The following GRM5 variants were observed in gnomAD, a reference collection of about 807,000 sequenced individuals.
GRM5 encodes metabotropic glutamate receptor 5.
GRM5 carries 19 observed loss-of-function variants against 83.1 expected under a neutral mutation model. The observed-to-expected ratio is 0.23, with a 90% confidence interval of 0.16 to 0.34. The LOEUF (loss-of-function observed/expected upper bound fraction) is 0.34, where lower values mean the gene tolerates loss of function less well. Among genes scored for constraint, GRM5 ranks in the 10% least tolerant of loss-of-function variants. The probability of loss-of-function intolerance (pLI) is 1.00; values close to 1 mark genes in which losing one functional copy is unlikely to be tolerated. For missense variants in GRM5, 1,160 were observed against 1,588.3 expected (o/e 0.73, Z 4.58); for synonymous variants, 675 against 633.6 (o/e 1.07, Z -0.98).
chr11:88,802,938 G>T (rs1024621708), intron 3 of GRM5, among the ~76,000 whole-genome samples: 9 of 150,584 alleles, frequency 6.0e-5, no homozygotes, highest in African/African-American at 2.2e-4. Flanking sequence ...ATTCACAATT[G>T]CTTCAAAGAG....
intron 7 of GRM5, among the ~76,000 whole-genome samples, chr11:88,570,268 A>G (rs1437337213): frequency 6.6e-6 from 1 of 152,108 alleles, no homozygotes; most frequent in Non-Finnish European, 1.5e-5. Flanking sequence ...TTGTGCATTT[A>G]ATATTGAAAC....
At chr11:88,893,501 G>A (rs1204473355) in intron 2 of GRM5, among the ~76,000 whole-genome samples, 1 of 152,036 alleles carries the variant, frequency 6.6e-6, no homozygotes, top group Non-Finnish European at 1.5e-5. Context: ...GTCTGTTGAA[G>A]TAATGAGGGA....
intron 4 of GRM5, among the ~76,000 whole-genome samples, chr11:88,624,441 G>A (rs1321527823): frequency 1.3e-5 from 2 of 152,188 alleles, no homozygotes; most frequent in African/African-American, 4.8e-5. Flanking sequence ...ATGCCTTATG[G>A]ACGTACTCAT....
intron 2 of GRM5, among the ~76,000 whole-genome samples, chr11:88,961,037 C>T (rs1938767428): frequency 6.6e-6 from 1 of 152,140 alleles, no homozygotes; most frequent in South Asian, 2.1e-4. Flanking sequence ...CAATGGTGTT[C>T]AACTTTGGGG....
chr11:88,646,722 T>C (rs1006198257), intron 4 of GRM5, among the ~76,000 whole-genome samples: 14 of 151,968 alleles, frequency 9.2e-5, no homozygotes, highest in African/African-American at 3.4e-4. Context: ...AGTGAAGATA[T>C]ATAGAAGCAA....
At chr11:88,751,671 T>C (rs1252969161) in intron 3 of GRM5, among the ~76,000 whole-genome samples, 1 of 152,108 alleles carries the variant, frequency 6.6e-6, no homozygotes, top group East Asian at 1.9e-4. Flanking sequence ...CAGGCCAATA[T>C]CCTTGTTGAA....
In GRM5 at chr11:89,037,474, G is replaced by C. The variant is rs76759797; in HGVS notation, c.661+9738C>G. ...TACAGTGCAATAACTTAAATTCACAGTTTGTTGCAAATATATCCTTGGAAT... is the reference window on the plus strand; with the variant it reads ...TACAGTGCAATAACTTAAATTCACACTTTGTTGCAAATATATCCTTGGAAT... On this transcript the variant is annotated intron_variant, in intron 2 of 9. Transcript: ENST00000305447. 5.4e-3 allele frequency among the ~76,000 whole-genome samples: 825 copies of C among 152,174 alleles called. 13 individuals are homozygous for C. The highest frequency in any genetic ancestry group is 0.019 in the African/African-American group (787 of 41,528).
intron 2 of GRM5, among the ~76,000 whole-genome samples, chr11:88,979,359 C>T (rs1334483351): frequency 6.6e-6 from 1 of 152,070 alleles, no homozygotes; most frequent in Non-Finnish European, 1.5e-5. Flanking sequence ...AACACTGGAA[C>T]CAAATATTTC....
chr11:88,904,099 G>C (rs962714095), intron 2 of GRM5, among the ~76,000 whole-genome samples: 6 of 152,220 alleles, frequency 3.9e-5, no homozygotes, highest in Admixed American at 1.3e-4. Context: ...CTGATGAAGA[G>C]GATGCATTAA....
chr11:88,974,979 G>A (rs1939287732), intron 2 of GRM5, among the ~76,000 whole-genome samples: 2 of 152,182 alleles, frequency 1.3e-5, no homozygotes, highest in Non-Finnish European at 2.9e-5. Context: ...AGATAATTGA[G>A]AAGACTTATC....
chr11:88,535,262 A>G (rs1419817172), intron 8 of GRM5, among the ~76,000 whole-genome samples: 2 of 152,220 alleles, frequency 1.3e-5, no homozygotes, highest in Non-Finnish European at 2.9e-5. Context: ...TATCAGATTC[A>G]CTTGCCACTT....
chr11:88,876,873 C>A (rs1021015706), intron 2 of GRM5, among the ~76,000 whole-genome samples: 1 of 151,998 alleles, frequency 6.6e-6, no homozygotes, highest in Non-Finnish European at 1.5e-5. Context: ...CAATGGAGTA[C>A]TACTCAGCCA....
chr11:88,872,081 G>A (rs1944777895), intron 2 of GRM5, among the ~76,000 whole-genome samples: 1 of 151,426 alleles, frequency 6.6e-6, no homozygotes, highest in African/African-American at 2.4e-5. Flanking sequence ...TTTTTAGTGA[G>A]AAACAAAATG....
chr11:88,668,234 AGAC>A (rs1940098552), intron 3 of GRM5, among the ~76,000 whole-genome samples: 1 of 150,368 alleles, frequency 6.7e-6, no homozygotes, highest in Non-Finnish European at 1.5e-5. Context: ...ACACACACAA[AGAC>A]AGAATAATTT....
chr11:88,540,348 A>G (rs1200739511), intron 8 of GRM5, among the ~76,000 whole-genome samples: 2 of 152,208 alleles, frequency 1.3e-5, no homozygotes, highest in African/African-American at 4.8e-5. Flanking sequence ...ATTTTTGCCA[A>G]GAAGCTTAGT....
chr11:88,999,321 A>G (rs1940293163), intron 2 of GRM5, among the ~76,000 whole-genome samples: 1 of 152,082 alleles, frequency 6.6e-6, no homozygotes, highest in Admixed American at 6.6e-5. Context: ...ATGGGAGAAA[A>G]TTTTTGCAAC....
intron 4 of GRM5, among the ~76,000 whole-genome samples, chr11:88,644,932 G>C (rs776075068): frequency 7.9e-5 from 12 of 152,054 alleles, no homozygotes; most frequent in Non-Finnish European, 1.3e-4. Flanking sequence ...CACTATATTA[G>C]TGACCAAAGG....
intron 3 of GRM5, among the ~76,000 whole-genome samples, chr11:88,735,718 C>T (rs924856965): frequency 1.3e-5 from 2 of 152,002 alleles, no homozygotes; most frequent in Admixed American, 6.6e-5. Flanking sequence ...GAAAATAATT[C>T]AACATCCTTT....
At chr11:88,895,684 A>G (rs1158508976) in intron 2 of GRM5, among the ~76,000 whole-genome samples, 1 of 151,966 alleles carries the variant, frequency 6.6e-6, no homozygotes, top group Non-Finnish European at 1.5e-5. Context: ...CTTAACATCT[A>G]TGCTACTTTT....
Sources: gnomAD v4.1 joint callset for allele counts (sites outside exome capture counted in the v4.1 genomes callset) on GRCh38, gnomAD v4.1.1 for gene constraint, MANE v1.5 for transcripts, NCBI Gene and HGNC (gene_info 2026-07-23, HGNC 2026-07-21) for gene names.